Variants in BTD observed in about 807,000 individuals in gnomAD.
BTD encodes biotinidase, also known as biocytinase.
Under a neutral mutation model 17.7 loss-of-function variants are expected in BTD, and 13 were observed. The observed-to-expected ratio is 0.74, with a 90% CI of 0.48 to 1.17. The LOEUF is 1.17. BTD is among the 50% of genes most tolerant of loss of function. The probability of loss-of-function intolerance (pLI) is 0.00; values close to 1 mark genes in which losing one functional copy is unlikely to be tolerated. For missense variants in BTD, 674 were observed against 650.4 expected (o/e 1.04, Z -0.39); for synonymous variants, 240 against 245.2 (o/e 0.98, Z 0.20).
At chr3:15,678,323 G>C in intron 3 of BTD, 1 of 1,609,774 alleles carries the variant, frequency 6.2e-7, no homozygotes. Flanking sequence ...CACTCTACAT[G>C]GTCTGTGAAG....
intron 3 of BTD, among the ~76,000 whole-genome samples, chr3:15,693,311 A>G (rs931182923): frequency 2.0e-5 from 3 of 151,776 alleles, no homozygotes; most frequent in Admixed American, 6.6e-5. Context: ...CTGACAAAAA[A>G]ATAGTAATGG....
intron 1 of BTD, among the ~76,000 whole-genome samples, chr3:15,613,775 A>G (rs998896772): frequency 6.6e-6 from 1 of 152,034 alleles, no homozygotes; most frequent in Non-Finnish European, 1.5e-5. Context: ...TTTTTCCTCT[A>G]CTGTAGGAGG....
rs1309390105 is a variant in BTD at position 15,644,512 on chromosome 3, C to G, written c.596C>G (p.Ala199Gly). 4 of 1,614,048 alleles carry G rather than the reference C, an allele frequency of 2.5e-6. No homozygotes were observed. Among genetic ancestry groups the G allele is most frequent in the Non-Finnish European group, 3.4e-6 (4 of 1,180,042 alleles). ...CGTAAACACAACCTCTACTTTGAGG[C>G]AGCATTCGATGTTCCTCTTAAAGTG... ...RYRKHNLYFE[A>G]AFDVPLKVDL... The change falls in exon 4 of 4, where the codon GCA becomes GGA. Residue 199 changes from alanine (A) to glycine (G), a missense_variant. Coordinates refer to ENST00000643237, the MANE Select transcript of BTD (RefSeq NM_001370658.1).
chr3:15,652,296 A>G lies in BTD; in HGVS notation c.*6808A>G, dbSNP rs2065816378. 1.3e-5 allele frequency among the ~76,000 whole-genome samples: 2 copies of G among 152,198 alleles called. No homozygotes were observed. Among genetic ancestry groups the G allele is most frequent in the African/African-American group, 4.8e-5 (2 of 41,452 alleles). ...AGCTGAGATAGCACCACTGCACTCC[A>G]GTCTGGGCAACAGAGCGACACTCCG... On this transcript the variant is annotated 3_prime_UTR_variant, in exon 4 of 4. Transcript: ENST00000643237.
At chr3:15,671,906 A>T (rs138067071) in intron 3 of BTD, among the ~76,000 whole-genome samples, 120 of 152,034 alleles carry the variant, frequency 7.9e-4, no homozygotes, top group African/African-American at 2.8e-3. Flanking sequence ...TTTTTAAAAA[A>T]CTTAATATAA....
At chr3:15,698,394 A>G (rs923045455) in intron 3 of BTD, among the ~76,000 whole-genome samples, 2 of 152,216 alleles carry the variant, frequency 1.3e-5, no homozygotes, top group South Asian at 4.1e-4. Context: ...GGCTAGGGCA[A>G]TCAGGCAAGA....
chr3:15,616,819 C>A (rs1196757142), intron 1 of BTD, among the ~76,000 whole-genome samples: 1 of 151,876 alleles, frequency 6.6e-6, no homozygotes, highest in Non-Finnish European at 1.5e-5. Flanking sequence ...CTGTTCAGAT[C>A]TTTTGCTTAT....
At chr3:15,655,491 A>G (rs1298030224), downstream of BTD, among the ~76,000 whole-genome samples, 2 of 152,200 alleles carry the variant, frequency 1.3e-5, no homozygotes, top group Non-Finnish European at 2.9e-5. Flanking sequence ...TATGTCACAA[A>G]ACAGATTTAT....
rs2065331429 is a variant in BTD at position 15,635,746 on chromosome 3, C to T, written c.249+58C>T. The T allele has an allele frequency of 5.0e-6, 8 of 1,609,612 alleles. No individual in the cohort carries two copies. The East Asian group carries it at 1.6e-4, about 31-fold the overall frequency. On this transcript the variant is annotated intron_variant, in intron 2 of 3. Coordinates refer to ENST00000643237, the MANE Select transcript of BTD (RefSeq NM_001370658.1). The surrounding 1 kb of genome is among the most constrained non-coding windows in gnomAD (Gnocchi z 4.1). ...CATACAGAGCAGATTGCTCTTTACC[C>T]CTTGATCAGTGGTTGGGTAATCCCA...
At chr3:15,674,958 T>G (rs372009578) in intron 3 of BTD, among the ~76,000 whole-genome samples, 2 of 151,950 alleles carry the variant, frequency 1.3e-5, no homozygotes, top group African/African-American at 4.8e-5. Context: ...GGCCTGACTA[T>G]ACGGAAATTA....
At chr3:15,720,629 T>C (rs1197752696) in intron 4 of BTD, among the ~76,000 whole-genome samples, 1 of 152,170 alleles carries the variant, frequency 6.6e-6, no homozygotes, top group Non-Finnish European at 1.5e-5. Flanking sequence ...TTCATGCCCC[T>C]TTCCCAGTTG....
chr3:15,690,282 TG>T, intron 3 of BTD: 1 of 1,335,456 alleles, frequency 7.5e-7, no homozygotes, highest in Non-Finnish European at 1.0e-6. Context: ...CCTAAATACT[TG>T]AATAAATGTA....
chr3:15,712,790 T>C (rs936583559), downstream of BTD, among the ~76,000 whole-genome samples: 3 of 152,316 alleles, frequency 2.0e-5, no homozygotes, highest in African/African-American at 7.2e-5. Context: ...CTAGAGCAAC[T>C]TGTACAGATG....
At chr3:15,686,577 T>C (rs1226799979) in intron 3 of BTD, 26 of 443,658 alleles carry the variant, frequency 5.9e-5, no homozygotes, top group Non-Finnish European at 9.8e-5. Context: ...AGAATGCTCA[T>C]TTTATTTAGC....
downstream of BTD, among the ~76,000 whole-genome samples, chr3:15,713,900 A>G (rs181772999): frequency 5.6e-4 from 86 of 152,294 alleles, no homozygotes; most frequent in African/African-American, 1.9e-3. Flanking sequence ...ATAAGTTTGG[A>G]AACTACTGTA....
chr3:15,659,927 C>T (rs1306246535), intron 3 of BTD, among the ~76,000 whole-genome samples: 1 of 152,186 alleles, frequency 6.6e-6, no homozygotes, highest in Non-Finnish European at 1.5e-5. Flanking sequence ...TAATTATTTG[C>T]CCAAAGGTCA....
chr3:15,695,208 T>C (rs751244612), intron 3 of BTD: 3 of 1,589,894 alleles, frequency 1.9e-6, no homozygotes, highest in Admixed American at 3.5e-5. Flanking sequence ...GGAGTTTCAC[T>C]TGCAATCTGA....
exon 5 of BTD, among the ~76,000 whole-genome samples, chr3:15,721,933 C>T (rs567869157): frequency 2.0e-5 from 3 of 152,164 alleles, no homozygotes; most frequent in South Asian, 2.1e-4. Context: ...TTAGTAGAGA[C>T]GGGGTGTCAC....
downstream of BTD, chr3:15,713,468 C>A: frequency 7.8e-7 from 1 of 1,285,496 alleles, no homozygotes; most frequent in African/African-American, 1.5e-5. Flanking sequence ...TAGAAAACTG[C>A]AGTTCACTTC....
Sources: gnomAD v4.1 joint callset for allele counts (sites outside exome capture counted in the v4.1 genomes callset) on GRCh38, gnomAD v4.1.1 for gene constraint, Gnocchi (gnomAD v3.1) non-coding constraint, MANE v1.5 for transcripts, NCBI Gene and HGNC (gene_info 2026-07-23, HGNC 2026-07-21) for gene names.